The following TRERF1 variants were observed in gnomAD, a reference collection of about 807,000 sequenced individuals.
TRERF1 encodes transcriptional-regulating factor 1.
TRERF1 carries 27 observed loss-of-function variants against 122.9 expected under a neutral mutation model. The observed-to-expected ratio is 0.22, with a 90% CI of 0.16 to 0.30. TRERF1 has a LOEUF of 0.30. Among genes scored for constraint, TRERF1 ranks in the 10% least tolerant of loss-of-function variants. The pLI is 1.00. For synonymous variants in TRERF1, 636 were observed against 641.7 expected, an observed-to-expected ratio of 0.99 and a Z score of 0.13; for missense variants, 1,248 against 1,560.3, an observed-to-expected ratio of 0.80 and a Z score of 3.37.
chr6:42,389,104 C>A (rs977709904), intron 2 of TRERF1, among the ~76,000 whole-genome samples: 1 of 152,112 alleles, frequency 6.6e-6, no homozygotes, highest in Non-Finnish European at 1.5e-5. Context: ...AGAGGGGGTA[C>A]TTAAAAAGAA....
intron 2 of TRERF1, among the ~76,000 whole-genome samples, chr6:42,421,183 T>C (rs1782713479): frequency 1.3e-5 from 2 of 152,230 alleles, no homozygotes; most frequent in Non-Finnish European, 2.9e-5. Context: ...AGTGAATGTA[T>C]AGAGCGCACT....
intron 2 of TRERF1, among the ~76,000 whole-genome samples, chr6:42,387,794 T>TTTTTATTTTATTTTATTTTATTTTA (rs539342079): frequency 0.024 from 3,622 of 151,260 alleles, 146 homozygotes; most frequent in African/African-American, 0.077. Context: ...GATGCTACCT[T>TTTTTATTTTATTTTATTTTATTTTA]TTTTATTTTA....
chr6:42,301,014 GAGACAGAC>G (rs3074802), intron 3 of TRERF1, among the ~76,000 whole-genome samples: 3 of 151,912 alleles, frequency 2.0e-5, no homozygotes, highest in East Asian at 1.9e-4. Context: ...GAGAGAGAGA[GAGACAGAC>G]AGACAGACAG....
chr6:42,443,402 T>C (rs1157963637), intron 2 of TRERF1, among the ~76,000 whole-genome samples: 1 of 152,244 alleles, frequency 6.6e-6, no homozygotes, highest in Non-Finnish European at 1.5e-5. Flanking sequence ...AAAATGAGAA[T>C]TGACTTTCCA....
At chr6:42,434,298 G>C (rs1249449220) in intron 2 of TRERF1, among the ~76,000 whole-genome samples, 1 of 151,694 alleles carries the variant, frequency 6.6e-6, no homozygotes, top group African/African-American at 2.4e-5. Context: ...AAAACACAGA[G>C]CCATGATTTA....
At position 42,306,184 on chromosome 6, in the gene TRERF1, T is replaced by G. The variant is rs944220730; in HGVS notation, c.-370-5435A>C. On this transcript the variant is annotated intron_variant, in intron 3 of 17. Coordinates refer to ENST00000372922, the Ensembl canonical transcript of TRERF1. ...GCCCAGCTAATTTTTGTATTTTTAA[T>G]AGAATGGAGGTTTTGCCATATTGGC... Among the ~76,000 whole-genome samples the G allele has an allele frequency of 2.0e-5, 3 of 151,898 alleles. No individual in the cohort carries two copies. In the South Asian group the frequency reaches 6.2e-4, roughly 32 times the overall value.
chr6:42,310,632 G>A (rs530878452), intron 3 of TRERF1, among the ~76,000 whole-genome samples: 47 of 152,296 alleles, frequency 3.1e-4, no homozygotes, highest in African/African-American at 1.1e-3. Flanking sequence ...AGCAAAGGAC[G>A]ATCTGGTCTA....
chr6:42,299,750 A>G (rs1255837127), intron 4 of TRERF1, among the ~76,000 whole-genome samples: 1 of 152,248 alleles, frequency 6.6e-6, no homozygotes, highest in Non-Finnish European at 1.5e-5. Context: ...AGTTCAATGC[A>G]TATTTCAAAC....
chr6:42,253,592 G>A (rs1385746805), intron 13 of TRERF1, among the ~76,000 whole-genome samples: 2 of 152,186 alleles, frequency 1.3e-5, no homozygotes, highest in South Asian at 2.1e-4. Context: ...TTAGGCCACC[G>A]GAGAAGTGAT....
At chr6:42,374,448 G>A (rs1258670323) in intron 2 of TRERF1, among the ~76,000 whole-genome samples, 10 of 152,188 alleles carry the variant, frequency 6.6e-5, no homozygotes, top group South Asian at 2.1e-4. Context: ...CCTTCTGGCC[G>A]AGGGGAGGTA....
chr6:42,236,883 C>T (rs1772361026), intron 15 of TRERF1, among the ~76,000 whole-genome samples: 1 of 152,166 alleles, frequency 6.6e-6, no homozygotes, highest in Non-Finnish European at 1.5e-5. Flanking sequence ...GTTTTAGAGG[C>T]TTTATAACAC....
chr6:42,387,749 C>A (rs1215398480), intron 2 of TRERF1, among the ~76,000 whole-genome samples: 3 of 152,064 alleles, frequency 2.0e-5, no homozygotes, highest in African/African-American at 7.3e-5. Context: ...TTCGGGGCCA[C>A]ATTTCCCACA....
intron 4 of TRERF1, among the ~76,000 whole-genome samples, chr6:42,272,309 A>C (rs1446708621): frequency 6.6e-6 from 1 of 152,052 alleles, no homozygotes; most frequent in Non-Finnish European, 1.5e-5. Flanking sequence ...ACTTCAGATG[A>C]GGGGTTGCAT....
chr6:42,363,342 C>A (rs944205601), intron 2 of TRERF1, among the ~76,000 whole-genome samples: 2 of 152,182 alleles, frequency 1.3e-5, no homozygotes, highest in Non-Finnish European at 2.9e-5. Flanking sequence ...TTCCTCTTTC[C>A]CTCACACCCC....
chr6:42,267,581 G>A (rs949307914), intron 5 of TRERF1, among the ~76,000 whole-genome samples: 51 of 151,970 alleles, frequency 3.4e-4, no homozygotes, highest in African/African-American at 1.0e-3. Context: ...GCAGTGAGCC[G>A]AGATGGCGCC....
chr6:42,236,092 C>T, intron 16 of TRERF1, 113 bp downstream of exon 16: 1 of 1,443,290 alleles, frequency 6.9e-7, no homozygotes, highest in African/African-American at 1.4e-5. Flanking sequence ...GCACCCTCTG[C>T]CAAACTGTGA....
chr6:42,273,585 A>G (rs1780629446), intron 4 of TRERF1, among the ~76,000 whole-genome samples: 1 of 152,238 alleles, frequency 6.6e-6, no homozygotes, highest in African/African-American at 2.4e-5. Flanking sequence ...AGGGAACAGC[A>G]TAAACAAAGG....
intron 2 of TRERF1, among the ~76,000 whole-genome samples, chr6:42,383,424 C>T (rs902318078): frequency 2.6e-5 from 4 of 152,120 alleles, no homozygotes; most frequent in Admixed American, 2.6e-4. Context: ...CCCCCTAACA[C>T]CCCCTTCCTC....
intron 3 of TRERF1, among the ~76,000 whole-genome samples, chr6:42,301,570 A>C (rs1413862642): frequency 6.6e-6 from 1 of 152,224 alleles, no homozygotes; most frequent in Non-Finnish European, 1.5e-5. Flanking sequence ...ATTAGAGATG[A>C]CTACTTTAAT....
Sources: allele counts gnomAD v4.1 joint callset (sites outside exome capture counted in the v4.1 genomes callset), GRCh38; gene constraint gnomAD v4.1.1; transcripts MANE v1.5; gene names NCBI Gene and HGNC (gene_info 2026-07-23, HGNC 2026-07-21).